TPM4: variants seen among roughly 807,000 people sequenced by gnomAD.
TPM4 encodes the protein tropomyosin alpha-4 chain.
Under a neutral mutation model 35.8 loss-of-function variants are expected in TPM4, and 17 were observed. That is an observed-to-expected ratio of 0.47 (90% CI 0.32 to 0.71). The LOEUF is 0.71. Ranked by LOEUF, TPM4 falls within the 30% of genes least tolerant of loss-of-function variation. The pLI is 0.03. For synonymous variants in TPM4, 120 were observed against 122.9 expected (o/e 0.98, Z 0.15); for missense variants, 240 against 320.9 (o/e 0.75, Z 1.93).
At chr19:16,069,404 A>AT (rs2090330143) in intron 2 of TPM4, among the ~76,000 whole-genome samples, 1 of 10,860 alleles carries the variant, frequency 9.2e-5, no homozygotes, top group Non-Finnish European at 1.8e-4. Flanking sequence ...TGTGTGTATG[A>AT]GTGTGTGTTT....
intron 7 of TPM4, chr19:16,095,975 G>A (rs1226249076): frequency 6.6e-6 from 1 of 151,302 alleles, no homozygotes; most frequent in Non-Finnish European, 1.5e-5. Flanking sequence ...GCCCAGGCTG[G>A]AGTGCAGTGG....
In TPM4 at chr19:16,076,618, A is replaced by G; in HGVS notation, c.53A>G (p.Gln18Arg). ...EAVKRKIQAL[Q>R]QQADEAEDRA... The stretch of plus-strand genomic sequence containing the variant: ...GTGAAACGCAAGATCCAGGCCCTGC[A>G]GCAGCAGGCGGACGAGGCGGAAGAC... The change falls in exon 1 of 8, where the codon CAG becomes CGG. Residue 18 changes from glutamine to arginine, a missense_variant. Gln to Arg is a conservative substitution (Grantham distance 43). Transcript: ENST00000643579. The G allele has an allele frequency of 6.8e-7, 1 of 1,463,226 alleles. No homozygotes were observed. Among genetic ancestry groups the G allele is most frequent in the Admixed American group, 2.5e-5 (1 of 39,858 alleles). 90.6% of individuals were successfully genotyped at this position (1,463,226 alleles called of 1,614,324 possible).
chr19:16,089,771 C>T (rs925239421), intron 5 of TPM4, among the ~76,000 whole-genome samples: 2 of 151,424 alleles, frequency 1.3e-5, no homozygotes, highest in African/African-American at 2.4e-5. Flanking sequence ...CAGGCTCAAG[C>T]GATCCTCCCA....
intron 7 of TPM4, among the ~76,000 whole-genome samples, chr19:16,096,936 C>CTTTTTTTCTTTTTTTTTTTTTTTT (rs2090705707): frequency 2.9e-5 from 2 of 69,050 alleles, no homozygotes; most frequent in African/African-American, 1.1e-4. Flanking sequence ...CAAGGTCACT[C>CTTTTTTTCTTTTTTTTTTTTTTTT]TTTTTTTTTT....
At chr19:16,076,842 C>T in intron 1 of TPM4, 145 bp downstream of exon 1, 1 of 1,252,648 alleles carries the variant, frequency 8.0e-7, no homozygotes, top group Non-Finnish European at 1.0e-6. Context: ...GACCCACATC[C>T]CTGCGCCCGC....
At chr19:16,087,944 C>CTT (rs2090578056) in intron 3 of TPM4, 83 bp from the exon 4 acceptor site, 1 of 1,425,092 alleles carries the variant, frequency 7.0e-7, no homozygotes, top group Non-Finnish European at 9.7e-7. Context: ...CTGGGTGGGG[C>CTT]ATCATTGGGG....
intron 5 of TPM4, among the ~76,000 whole-genome samples, chr19:16,092,177 GA>G (rs77856675): frequency 0.46 from 63,511 of 138,486 alleles, 14,906 homozygotes; most frequent in East Asian, 0.79. Context: ...GATTCTGTCT[GA>G]AAAAAAAAAA....
intron 3 of TPM4, among the ~76,000 whole-genome samples, chr19:16,086,746 G>A (rs564650528): frequency 2.6e-5 from 4 of 152,276 alleles, no homozygotes; most frequent in East Asian, 1.9e-4. Flanking sequence ...CTTGTCTAAC[G>A]TAATGGGAAA....
At chr19:16,094,959 A>G (rs114244996) in intron 7 of TPM4, among the ~76,000 whole-genome samples, 453 of 152,204 alleles carry the variant, frequency 3.0e-3, no homozygotes, top group African/African-American at 0.011. Context: ...GTCATTGGAA[A>G]TCCGAAATAA....
In TPM4 at chr19:16,089,041, G is replaced by A. The variant is rs373003642; in HGVS notation, c.456-4G>A. 247 of 1,613,924 alleles carry A rather than the reference G, an allele frequency of 1.5e-4. No individual in the cohort carries two copies. Among genetic ancestry groups the A allele is most frequent in the Non-Finnish European group, 2.0e-4 (238 of 1,179,966 alleles). ...AGACACAAAAATCCTTTGTCTTTGTGCAGAAAATGTGGTGACCTGGAAGAA... is the reference window on the plus strand; with the variant it reads ...AGACACAAAAATCCTTTGTCTTTGTACAGAAAATGTGGTGACCTGGAAGAA... On this transcript the variant is annotated splice_region_variant and splice_polypyrimidine_tract_variant and intron_variant, in intron 4 of 7. Transcript: ENST00000643579.
At chr19:16,093,447 G>T (rs1279318573) in intron 5 of TPM4, 89 bp from the exon 6 acceptor site, 1 of 1,472,770 alleles carries the variant, frequency 6.8e-7, no homozygotes, top group Non-Finnish European at 9.4e-7. Context: ...ACCAGCCTCA[G>T]GCTCCCAAAG....
chr19:16,099,404 C>G (rs906923589), intron 7 of TPM4, among the ~76,000 whole-genome samples: 1 of 151,258 alleles, frequency 6.6e-6, no homozygotes, highest in Non-Finnish European at 1.5e-5. Flanking sequence ...GGCAACATGG[C>G]GAAACCCCAT....
intron 4 of TPM4, 133 bp from the exon 5 acceptor site, chr19:16,088,912 C>T: frequency 1.3e-6 from 2 of 1,490,280 alleles, no homozygotes; most frequent in South Asian, 1.3e-5. Flanking sequence ...AACATTTTCT[C>T]CCCACATTCC....
chr19:16,070,473 G>A lies in TPM4; in HGVS notation c.114+2735G>A, dbSNP rs2090345590. Among the ~76,000 whole-genome samples, 1 of 152,138 alleles carries A rather than the reference G, an allele frequency of 6.6e-6. No homozygotes were observed. The highest frequency in any genetic ancestry group is 6.5e-5 in the Admixed American group (1 of 15,290). Reference sequence around the variant, plus strand: ...CTAGGACCATGGCACCGAGTGCCCAGCCCCACCCAGGCCAGGAGCCAGGCC... The same window carrying A: ...CTAGGACCATGGCACCGAGTGCCCAACCCCACCCAGGCCAGGAGCCAGGCC... On this transcript the variant is annotated intron_variant, in intron 2 of 2. Coordinates refer to the TPM4 transcript ENST00000589897. The surrounding 1 kb of genome is among the most constrained non-coding windows in gnomAD (Gnocchi z 7.4).
chr19:16,089,668 CT>C (rs35056151), intron 5 of TPM4, among the ~76,000 whole-genome samples: 43,209 of 129,192 alleles, frequency 0.33, 6,697 homozygotes, highest in East Asian at 0.71. Flanking sequence ...CCACCCCCCA[CT>C]TTTTTTTTTT....
In TPM4 at chr19:16,099,966, C is replaced by T. The variant is rs202191098; in HGVS notation, c.665-1298C>T. Reference sequence around the variant, plus strand: ...TTTAAACAGCCATTCCCAGAAGCTCCGAAGGAAAGATGGGTTACAGGATTT... The same window carrying T: ...TTTAAACAGCCATTCCCAGAAGCTCTGAAGGAAAGATGGGTTACAGGATTT... On this transcript the variant is annotated intron_variant, in intron 7 of 7. Transcript: ENST00000643579. The T allele has an allele frequency of 9.9e-5, 15 of 152,206 alleles. No individual in the cohort carries two copies. The East Asian group carries it at 1.7e-3, about 18-fold the overall frequency. 9.4% of individuals were successfully genotyped at this position (152,206 alleles called of 1,614,324 possible).
intron 1 of TPM4, among the ~76,000 whole-genome samples, chr19:16,077,684 C>T (rs1462136838): frequency 2.8e-5 from 4 of 141,394 alleles, no homozygotes; most frequent in Admixed American, 2.1e-4. Context: ...CCCGACCCCC[C>T]AGAGTAGCAG....
intron 7 of TPM4, 127 bp downstream of exon 7, chr19:16,093,880 A>T: frequency 1.1e-6 from 1 of 922,450 alleles, no homozygotes; most frequent in South Asian, 1.5e-5. Context: ...AGTAAAGCGC[A>T]TAGTGATGTC....
chr19:16,089,916 T>A (rs2144947669), intron 5 of TPM4, among the ~76,000 whole-genome samples: 1 of 152,038 alleles, frequency 6.6e-6, no homozygotes. Flanking sequence ...TGGAGTGAAG[T>A]GGCGTGATCT....
Sources: gnomAD v4.1 joint callset for allele counts (sites outside exome capture counted in the v4.1 genomes callset) on GRCh38, gnomAD v4.1.1 for gene constraint, Gnocchi (gnomAD v3.1) non-coding constraint, MANE v1.5 for transcripts, NCBI Gene and HGNC (gene_info 2026-07-23, HGNC 2026-07-21) for gene names.